The following UNKL variants were observed in gnomAD, a reference collection of about 807,000 sequenced individuals.
UNKL encodes the protein putative E3 ubiquitin-protein ligase UNKL.
In UNKL, 60 loss-of-function variants were observed where a neutral mutation model predicts 78.0. The ratio of observed to expected loss-of-function variants is 0.77; its 90% confidence interval spans 0.63 to 0.95. The LOEUF is 0.95. UNKL is among the 40% of genes least tolerant of loss of function. UNKL has a pLI of 0.00. For synonymous variants in UNKL, 608 were observed against 474.8 expected (o/e 1.28, Z -3.65); for missense variants, 1,159 against 1,045.7 (o/e 1.11, Z -1.49).
chr16:1,397,701 CCG>C, intron 5 of UNKL, among the ~76,000 whole-genome samples: 1 of 13,808 alleles, frequency 7.2e-5, no homozygotes, highest in South Asian at 2.0e-3. Context: ...ACCCCGACCC[CCG>C]TGCTTCACGC....
intron 2 of UNKL, among the ~76,000 whole-genome samples, chr16:1,411,450 T>A (rs1273322389): frequency 6.6e-6 from 1 of 152,182 alleles, no homozygotes; most frequent in Non-Finnish European, 1.5e-5. Context: ...GAAGATGGTT[T>A]GAGCCCTGGA....
intron 6 of UNKL, among the ~76,000 whole-genome samples, chr16:1,395,068 G>T (rs903221561): frequency 1.3e-5 from 2 of 152,066 alleles, no homozygotes; most frequent in Non-Finnish European, 2.9e-5. Context: ...AGTAGAGATG[G>T]GGTTTCGCCA....
At chr16:1,386,436 C>T (rs1465831232) in intron 9 of UNKL, among the ~76,000 whole-genome samples, 3 of 152,024 alleles carry the variant, frequency 2.0e-5, no homozygotes, top group Admixed American at 2.0e-4. Flanking sequence ...CGCCTGTAAT[C>T]CCAGCTACTT....
At chr16:1,409,418 A>G (rs2037935029) in intron 2 of UNKL, among the ~76,000 whole-genome samples, 1 of 151,950 alleles carries the variant, frequency 6.6e-6, no homozygotes, top group Admixed American at 6.6e-5. Context: ...GAGAGATCTC[A>G]GGGGAGGCAG....
Position 1,367,152 on chromosome 16 carries a change from G to T in UNKL, c.1986C>A (p.Pro662=). 1 of 1,602,738 alleles carries T rather than the reference G, an allele frequency of 6.2e-7. No homozygotes were observed. The highest frequency in any genetic ancestry group is 2.2e-5 in the East Asian group (1 of 44,504). ...LRGCGDIGTI[P]LPKLHSLQSQ... is the part of the protein sequence containing the mutation. ...TCTGCAGCGAGTGCAGCTTCGGCAG[G>T]GGAATGGTGCCGATGTCCCCACAGC... The change falls in exon 14 of 15, where the codon CCC becomes CCA. Residue 662 remains proline (P), a synonymous_variant. Transcript: ENST00000389221.
intron 12 of UNKL, among the ~76,000 whole-genome samples, chr16:1,368,533 C>T (rs1190816394): frequency 2.3e-5 from 3 of 129,644 alleles, no homozygotes; most frequent in Admixed American, 9.8e-5. Flanking sequence ...ACCCGGGAAG[C>T]GGAGCTTGCA....
In UNKL at chr16:1,370,263, C is replaced by A. The variant is rs1039992026; in HGVS notation, c.1452G>T (p.Ser484=). The A allele has an allele frequency of 7.2e-6, 11 of 1,533,960 alleles. No homozygotes were observed. Among genetic ancestry groups the A allele is most frequent in the Non-Finnish European group, 9.6e-6 (11 of 1,143,940 alleles). Residue 484 remains serine (S), a synonymous_variant, in exon 12 of 15, where the codon TCG becomes TCT. Transcript: ENST00000389221. ...SLHSPSSAST[S]PLGSLSQPLP... The stretch of plus-strand genomic sequence containing the variant: ...GGGGCTGGGACAGCGAACCGAGCGG[C>A]GAGGTGGACGCAGAGGATGGCGAGT...
Position 1,371,070 on chromosome 16 carries a change from G to A in UNKL, c.1357+449C>T, listed in dbSNP as rs375543162. On this transcript the variant is annotated intron_variant, in intron 11 of 14. Coordinates refer to ENST00000389221, the MANE Select transcript of UNKL (RefSeq NM_001372107.1). ...TGCACTCCAGCCTGGGCGACAGAGC[G>A]AGGCTCTGTCTCAAAAAAAAAAAAA... Among the ~76,000 whole-genome samples the A allele has an allele frequency of 3.9e-3, 550 of 142,774 alleles. 5 individuals are homozygous for A. The highest frequency in any genetic ancestry group is 0.013 in the African/African-American group (479 of 37,252). 93.7% of individuals were successfully genotyped at this position (142,774 alleles called of 152,430 possible).
intron 12 of UNKL, chr16:1,368,246 A>T (rs927217586): frequency 4.0e-6 from 1 of 249,654 alleles, no homozygotes; most frequent in Non-Finnish European, 7.7e-6. Flanking sequence ...AGCTGTGTCC[A>T]TGTGGTGACT....
At position 1,399,317 on chromosome 16, in the gene UNKL, G is replaced by A. The variant is rs1288714894; in HGVS notation, c.734+57C>T. On this transcript the variant is annotated intron_variant, in intron 5 of 14. Coordinates refer to ENST00000389221, the MANE Select transcript of UNKL (RefSeq NM_001372107.1). This position sits in a 1 kb window ranked among gnomAD's most constrained non-coding sequence, Gnocchi z 5.8. ...CCCCGGGGTGGGCAACGCGAGCCACGGGCCGGGAAGGACGCCCACCAGCCG... is the reference window on the plus strand; with the variant it reads ...CCCCGGGGTGGGCAACGCGAGCCACAGGCCGGGAAGGACGCCCACCAGCCG... 1.8e-5 allele frequency: 26 copies of A among 1,482,650 alleles called. No homozygotes were observed. Among genetic ancestry groups the A allele is most frequent in the African/African-American group, 5.6e-5 (4 of 70,810 alleles). 91.8% of individuals were successfully genotyped at this position (1,482,650 alleles called of 1,614,324 possible).
chr16:1,409,530 T>A (rs1567241096), intron 2 of UNKL, among the ~76,000 whole-genome samples: 1 of 152,218 alleles, frequency 6.6e-6, no homozygotes, highest in Non-Finnish European at 1.5e-5. Flanking sequence ...TGTGTGCATA[T>A]ACCCAGGTAT....
chr16:1,401,508 C>A (rs1240530440), intron 4 of UNKL, 60 bp downstream of exon 4: 2 of 1,426,668 alleles, frequency 1.4e-6, no homozygotes, highest in Non-Finnish European at 1.9e-6. Context: ...GTGGCCCGAG[C>A]TGTTCTCGCG....
chr16:1,394,503 T>C (rs1223915303), intron 6 of UNKL: 2 of 600,788 alleles, frequency 3.3e-6, no homozygotes, highest in East Asian at 7.1e-5. Context: ...TTCTGAAAGA[T>C]GCACCAAATT....
At chr16:1,401,472 G>A (rs1167137128) in intron 4 of UNKL, 96 bp downstream of exon 4, 24 of 1,338,744 alleles carry the variant, frequency 1.8e-5, no homozygotes, top group African/African-American at 1.1e-4. Context: ...CACCTTGCAC[G>A]TAAACTGAAA....
At position 1,367,791 on chromosome 16, in the gene UNKL, G is replaced by T. The variant is rs368401138; in HGVS notation, c.1653C>A (p.Pro551=). The T allele has an allele frequency of 3.2e-6, 5 of 1,574,938 alleles. No homozygotes were observed. In the Admixed American group the frequency reaches 5.5e-5, roughly 17 times the overall value. ...AGGATGGGGGGCCGGCACTCAGGAT[G>T]GGGGAGGGGCTGGGGGAGAAGCTGC... The part of the protein sequence containing the change: ...VSGSFSPSPS[P]ILSAGPPSSS... Residue 551 remains proline (P), a synonymous_variant, in exon 13 of 15, where the codon CCC becomes CCA. Transcript: ENST00000389221.
chr16:1,370,811 C>T (rs916813844), intron 11 of UNKL, among the ~76,000 whole-genome samples: 30 of 152,322 alleles, frequency 2.0e-4, no homozygotes, highest in Non-Finnish European at 4.0e-4. Flanking sequence ...GGGCCGGGCG[C>T]ACTGGCTCAC....
intron 10 of UNKL, among the ~76,000 whole-genome samples, chr16:1,376,858 A>G (rs2036267501): frequency 6.6e-6 from 1 of 152,118 alleles, no homozygotes; most frequent in African/African-American, 2.4e-5. Flanking sequence ...CAGTAATAAA[A>G]GTTACCTGCG....
At chr16:1,368,608 C>CAAAAAA (rs757374554) in intron 12 of UNKL, among the ~76,000 whole-genome samples, 12 of 42,144 alleles carry the variant, frequency 2.8e-4, no homozygotes, top group African/African-American at 8.3e-4. Flanking sequence ...GACTCCGTCT[C>CAAAAAA]AAAAAAAAAA....
intron 10 of UNKL, among the ~76,000 whole-genome samples, chr16:1,377,207 A>G (rs1291102099): frequency 1.3e-5 from 2 of 152,092 alleles, no homozygotes; most frequent in East Asian, 3.9e-4. Flanking sequence ...TTTTTAGTAG[A>G]GACAGGTTTT....
Sources: allele counts gnomAD v4.1 joint callset (sites outside exome capture counted in the v4.1 genomes callset), GRCh38; gene constraint gnomAD v4.1.1; non-coding constraint Gnocchi (gnomAD v3.1); transcripts MANE v1.5; gene names NCBI Gene and HGNC (gene_info 2026-07-23, HGNC 2026-07-21).